SUMF1: variants seen among roughly 807,000 people sequenced by gnomAD.
SUMF1 encodes the protein formylglycine-generating enzyme.
A neutral mutation model predicts 47.6 loss-of-function variants in SUMF1; 48 were observed. That is an observed-to-expected ratio of 1.01 (90% CI 0.80 to 1.28). The LOEUF is 1.28. SUMF1 is among the 50% of genes most tolerant of loss of function. The pLI, the probability that SUMF1 is intolerant of heterozygous loss-of-function variation, is 0.00. For synonymous variants in SUMF1, 230 were observed against 192.1 expected, an observed-to-expected ratio of 1.20 and a Z score of -1.63; for missense variants, 571 against 485.4, an observed-to-expected ratio of 1.18 and a Z score of -1.66.
chr3:4,273,785 A>AAGG (rs1697356156), intron 8 of SUMF1, among the ~76,000 whole-genome samples: 1 of 46,108 alleles, frequency 2.2e-5, no homozygotes, highest in African/African-American at 8.8e-5. Flanking sequence ...AGGGGAGGAT[A>AAGG]CGGGAGGGGA....
intron 8 of SUMF1, among the ~76,000 whole-genome samples, chr3:4,217,188 A>C (rs895361287): frequency 6.6e-6 from 1 of 152,024 alleles, no homozygotes; most frequent in Non-Finnish European, 1.5e-5. Flanking sequence ...GCAGCCATAA[A>C]AAAGGATGAG....
intron 8 of SUMF1, among the ~76,000 whole-genome samples, chr3:4,115,834 A>G (rs568405757): frequency 6.6e-6 from 1 of 152,260 alleles, no homozygotes; most frequent in African/African-American, 2.4e-5. Flanking sequence ...AAAAAAACAT[A>G]AAAAATCTAT....
At chr3:4,259,447 C>G (rs546179494) in intron 8 of SUMF1, among the ~76,000 whole-genome samples, 56 of 152,214 alleles carry the variant, frequency 3.7e-4, no homozygotes, top group Non-Finnish European at 6.9e-4. Flanking sequence ...GATCATTCAA[C>G]ATAGTATGAA....
At chr3:4,345,647 T>G (rs951380445) in intron 8 of SUMF1, among the ~76,000 whole-genome samples, 3 of 152,064 alleles carry the variant, frequency 2.0e-5, no homozygotes, top group South Asian at 2.1e-4. Flanking sequence ...AATAACCACA[T>G]AGTATCATGA....
chr3:4,318,943 A>G (rs541166052), intron 8 of SUMF1, among the ~76,000 whole-genome samples: 2 of 152,254 alleles, frequency 1.3e-5, no homozygotes, highest in East Asian at 1.9e-4. Flanking sequence ...TAATAAGACA[A>G]ATGACCCAAT....
intron 8 of SUMF1, among the ~76,000 whole-genome samples, chr3:4,256,732 T>C (rs542606640): frequency 1.3e-5 from 2 of 151,986 alleles, no homozygotes; most frequent in African/African-American, 2.4e-5. Context: ...TTCCAATCAA[T>C]AGAGGGAATC....
chr3:4,424,623 T>TG (rs1702009856), intron 3 of SUMF1, among the ~76,000 whole-genome samples: 1 of 151,634 alleles, frequency 6.6e-6, no homozygotes, highest in African/African-American at 2.4e-5. Flanking sequence ...CAACTGTCCT[T>TG]GGTGTCCATG....
intron 8 of SUMF1, among the ~76,000 whole-genome samples, chr3:4,263,750 C>T (rs1005324615): frequency 6.6e-6 from 1 of 152,164 alleles, no homozygotes; most frequent in African/African-American, 2.4e-5. Context: ...ATACTGAAGG[C>T]ATATTATGAA....
chr3:4,329,504 T>C (rs1388066619), intron 8 of SUMF1, among the ~76,000 whole-genome samples: 7 of 152,218 alleles, frequency 4.6e-5, no homozygotes, highest in African/African-American at 1.4e-4. Flanking sequence ...CTGAGCTCTA[T>C]GTTGGCCCCT....
At chr3:4,374,845 A>G (rs911919160) in intron 8 of SUMF1, among the ~76,000 whole-genome samples, 2 of 152,178 alleles carry the variant, frequency 1.3e-5, no homozygotes, top group Non-Finnish European at 2.9e-5. Flanking sequence ...GACCTGGGAC[A>G]ATGCTTTTAA....
intron 9 of SUMF1, among the ~76,000 whole-genome samples, chr3:4,062,001 G>A (rs1169829196): frequency 2.6e-5 from 4 of 151,976 alleles, no homozygotes; most frequent in Non-Finnish European, 5.9e-5. Flanking sequence ...ACTCAGACTC[G>A]TTTCTGTATT....
At chr3:4,388,312 C>G (rs140771104) in intron 7 of SUMF1, among the ~76,000 whole-genome samples, 1 of 151,998 alleles carries the variant, frequency 6.6e-6, no homozygotes, top group African/African-American at 2.4e-5. Flanking sequence ...TCATTATATA[C>G]GTTCTTCCTC....
At chr3:4,139,077 T>A (rs1307287270) in intron 8 of SUMF1, among the ~76,000 whole-genome samples, 1 of 152,156 alleles carries the variant, frequency 6.6e-6, no homozygotes, top group Non-Finnish European at 1.5e-5. Context: ...TTTATTATTT[T>A]CCTAATAACA....
chr3:4,300,920 C>T (rs997236849), intron 8 of SUMF1, among the ~76,000 whole-genome samples: 3 of 151,946 alleles, frequency 2.0e-5, no homozygotes, highest in Non-Finnish European at 4.4e-5. Flanking sequence ...CTCTTTTGGC[C>T]CTACATCAAA....
intron 8 of SUMF1, among the ~76,000 whole-genome samples, chr3:4,234,775 AC>A (rs2124987709): frequency 6.6e-6 from 1 of 152,222 alleles, no homozygotes; most frequent in Non-Finnish European, 1.5e-5. Flanking sequence ...GGATGGGGGA[AC>A]TATTCCAGGC....
intron 8 of SUMF1, among the ~76,000 whole-genome samples, chr3:4,090,850 G>A (rs1007724821): frequency 1.3e-5 from 2 of 151,858 alleles, no homozygotes; most frequent in African/African-American, 4.8e-5. Context: ...CTTAATAGTA[G>A]AAGTATGATG....
chr3:4,403,910 G>T (rs1346825348), intron 7 of SUMF1, among the ~76,000 whole-genome samples: 1 of 152,162 alleles, frequency 6.6e-6, no homozygotes, highest in East Asian at 1.9e-4. Flanking sequence ...GTACATTTTG[G>T]TGTTCTGCTC....
intron 1 of SUMF1, 35 bp downstream of exon 1, chr3:4,466,941 A>G (rs1212283878): frequency 6.2e-7 from 1 of 1,601,124 alleles, no homozygotes; most frequent in Admixed American, 1.7e-5. Context: ...GGAACCGAGC[A>G]GCCCCCACCC....
chr3:4,362,082 G>A lies in SUMF1; in HGVS notation c.*62C>T. ...TGCATGGGATCGTTCAAAGTTCTGA[G>A]AAAAGCCCAATGTAGGTCAGACACG... On this transcript the variant is annotated 3_prime_UTR_variant, in exon 9 of 9. Transcript: ENST00000272902. 6.6e-7 allele frequency: 1 copy of A among 1,504,826 alleles called. No individual in the cohort carries two copies. Among genetic ancestry groups the A allele is most frequent in the Non-Finnish European group, 9.2e-7 (1 of 1,083,504 alleles). 93.2% of individuals were successfully genotyped at this position (1,504,826 alleles called of 1,614,324 possible).
Sources: gnomAD v4.1 joint callset for allele counts (sites outside exome capture counted in the v4.1 genomes callset) on GRCh38, gnomAD v4.1.1 for gene constraint, MANE v1.5 for transcripts, NCBI Gene and HGNC (gene_info 2026-07-23, HGNC 2026-07-21) for gene names.